The following ROS1 variants were observed in gnomAD, a reference collection of about 807,000 sequenced individuals.
The protein encoded by ROS1 is ROS proto-oncogene 1, receptor tyrosine kinase.
Under a neutral mutation model 273.5 loss-of-function variants are expected in ROS1, and 263 were observed. The ratio of observed to expected loss-of-function variants is 0.96; its 90% CI spans 0.87 to 1.06. ROS1 has a LOEUF of 1.06. Among genes scored for constraint, ROS1 ranks in the 50% least tolerant of loss-of-function variants. The probability of loss-of-function intolerance (pLI) is 0.00; values close to 1 mark genes in which losing one functional copy is unlikely to be tolerated. For missense variants in ROS1, 2,833 were observed against 2,751.1 expected, an observed-to-expected ratio of 1.03 and a Z score of -0.67; for synonymous variants, 1,008 against 954.1, an observed-to-expected ratio of 1.06 and a Z score of -1.04.
intron 26 of ROS1, 83 bp from the exon 27 acceptor site, chr6:117,353,249 A>G: frequency 5.0e-6 from 5 of 990,324 alleles, no homozygotes; most frequent in Non-Finnish European, 7.2e-6. Flanking sequence ...AATTTTTTCT[A>G]TATTATAATT....
chr6:117,400,298 G>A (rs13204089), intron 7 of ROS1, among the ~76,000 whole-genome samples: 7 of 151,990 alleles, frequency 4.6e-5, no homozygotes, highest in South Asian at 2.1e-4. Flanking sequence ...TTGTCAGTAC[G>A]TTTTCTATGT....
intron 10 of ROS1, 55 bp from the exon 11 acceptor site, chr6:117,394,401 A>T (rs978002628): frequency 8.1e-7 from 1 of 1,237,614 alleles, no homozygotes; most frequent in Non-Finnish European, 1.1e-6. Context: ...AGGACAAAAA[A>T]CTTGTATGAA....
intron 42 of ROS1, 60 bp downstream of exon 42, chr6:117,308,734 A>G (rs1775307748): frequency 2.6e-5 from 40 of 1,549,806 alleles, no homozygotes; most frequent in Non-Finnish European, 3.4e-5. Context: ...CAAGAGGCCT[A>G]AGATTGTATG....
intron 42 of ROS1, among the ~76,000 whole-genome samples, chr6:117,305,482 G>T (rs1259731125): frequency 6.6e-6 from 1 of 151,924 alleles, no homozygotes; most frequent in Non-Finnish European, 1.5e-5. Flanking sequence ...AATTATGGAG[G>T]CTTAAATTTA....
chr6:117,351,824 C>G (rs765632482), intron 27 of ROS1, among the ~76,000 whole-genome samples: 6 of 151,986 alleles, frequency 3.9e-5, no homozygotes, highest in Non-Finnish European at 8.8e-5. Flanking sequence ...AAACCAGAAG[C>G]CACATGAACT....
rs914692767 is a variant in ROS1, at chr6:117,396,177, C to G, written c.883+11G>C. The G allele has an allele frequency of 1.2e-6, 2 of 1,610,114 alleles. No homozygotes were observed. Among genetic ancestry groups the G allele is most frequent in the African/African-American group, 2.7e-5 (2 of 74,948 alleles). On this transcript the variant is annotated intron_variant, in intron 9 of 43. Transcript: ENST00000368507. Reference sequence around the variant, plus strand: ...TTCCTGTGTAGCTAAAGGAAGAAGCCTGACCCATACCTGCTGAAGATGAAG... The same window carrying G: ...TTCCTGTGTAGCTAAAGGAAGAAGCGTGACCCATACCTGCTGAAGATGAAG...
At chr6:117,305,392 C>CA (rs1245224646) in intron 42 of ROS1, among the ~76,000 whole-genome samples, 19 of 152,270 alleles carry the variant, frequency 1.2e-4, no homozygotes, top group Non-Finnish European at 1.5e-5. Context: ...ATCACTCACT[C>CA]ATTCTACCTC....
At chr6:117,413,721 C>G (rs189554298) in intron 4 of ROS1, among the ~76,000 whole-genome samples, 3 of 152,290 alleles carry the variant, frequency 2.0e-5, no homozygotes, top group South Asian at 4.1e-4. Flanking sequence ...GTGGCTCATG[C>G]CTGTAATCCC....
At chr6:117,409,786 C>G in intron 4 of ROS1, 144 bp from the exon 5 acceptor site, 1 of 668,562 alleles carries the variant, frequency 1.5e-6, no homozygotes, top group Non-Finnish European at 2.7e-6. Context: ...AATCGGAGTG[C>G]CTAATACGCA....
chr6:117,324,549 G>C (rs555243808), intron 34 of ROS1, 134 bp from the exon 35 acceptor site: 1 of 561,272 alleles, frequency 1.8e-6, no homozygotes, highest in Non-Finnish European at 3.2e-6. Context: ...TTAGACCGTT[G>C]GTAGCTTGAA....
In ROS1 at chr6:117,288,060, A is replaced by G. The variant is rs1773560893; in HGVS notation, c.*432T>C. 6.6e-6 allele frequency among the ~76,000 whole-genome samples: 1 copy of G among 152,148 alleles called. No individual in the cohort carries two copies. Among genetic ancestry groups the G allele is most frequent in the African/African-American group, 2.4e-5 (1 of 41,434 alleles). On this transcript the variant is annotated 3_prime_UTR_variant, in exon 44 of 44. Coordinates refer to ENST00000368507, the MANE Select transcript of ROS1 (RefSeq NM_001378902.1). ...CATTTCCTTGGTCCCATTTGAGATT[A>G]TCTGTAGTTCAGTTGACCCCCCTGA...
chr6:117,411,242 T>G (rs1340192713), intron 4 of ROS1, among the ~76,000 whole-genome samples: 1 of 149,590 alleles, frequency 6.7e-6, no homozygotes, highest in East Asian at 2.0e-4. Context: ...TCTCTCTCTC[T>G]TTCTCTCTCT....
In ROS1 at chr6:117,362,623, TGG is replaced by T; in HGVS notation, c.3344_3345del (p.Pro1115GlnfsTer9). 1 of 1,613,428 alleles carries T rather than the reference TGG, an allele frequency of 6.2e-7. No individual in the cohort carries two copies. The highest frequency in any genetic ancestry group is 8.5e-7 in the Non-Finnish European group (1 of 1,179,606). On this transcript the variant is annotated frameshift_variant, in exon 22 of 44. Transcript: ENST00000368507. LOFTEE classifies it high-confidence loss of function. ...CATACCTGGAAGGCAATAAAGCATC[TGG>T]GACTCATGCCTTCAAGTTGAAAAGA... ...VMSFQLEGMS[P>X]RCFIAFQVRA...
intron 42 of ROS1, among the ~76,000 whole-genome samples, chr6:117,307,783 T>G (rs1305122452): frequency 6.6e-6 from 1 of 152,148 alleles, no homozygotes. Context: ...CTTAATCATC[T>G]TTTGGCTCAA....
At chr6:117,352,656 T>C (rs1438178254) in intron 27 of ROS1, among the ~76,000 whole-genome samples, 1 of 152,092 alleles carries the variant, frequency 6.6e-6, no homozygotes, top group African/African-American at 2.4e-5. Flanking sequence ...TTGACACCAC[T>C]GGGAGGCCTA....
chr6:117,342,547 GTAAT>G lies in ROS1; in HGVS notation c.4507-7_4507-4del. ...AGAGCTATACTGTCCTGAAATTCCT[GTAAT>G]TGATTTTTTAAAAATCAACATCTTA... On this transcript the variant is annotated splice_polypyrimidine_tract_variant and splice_region_variant and intron_variant, in intron 28 of 43. Coordinates refer to ENST00000368507, the MANE Select transcript of ROS1 (RefSeq NM_001378902.1). 1 of 1,455,574 alleles carries G rather than the reference GTAAT, an allele frequency of 6.9e-7. No homozygotes were observed. The highest frequency in any genetic ancestry group is 9.2e-7 in the Non-Finnish European group (1 of 1,088,648). The allele number at this position is 1,455,574 out of a possible 1,614,324, so 90.2% of individuals were successfully genotyped here. A position where few individuals can be genotyped will look rare whatever the true frequency, so the allele number is the denominator to read the frequency against.
chr6:117,422,954 T>G (rs1302508513), intron 1 of ROS1, among the ~76,000 whole-genome samples: 1 of 152,124 alleles, frequency 6.6e-6, no homozygotes, highest in East Asian at 1.9e-4. Flanking sequence ...TTGAATGAAA[T>G]TTATTGAATG....
chr6:117,406,853 C>A (rs1397895550), intron 5 of ROS1, among the ~76,000 whole-genome samples: 9 of 152,048 alleles, frequency 5.9e-5, no homozygotes, highest in Non-Finnish European at 1.3e-4. Flanking sequence ...GCTAATGGGG[C>A]CTGTGTACCT....
chr6:117,399,530 T>C (rs1773778831), intron 7 of ROS1, among the ~76,000 whole-genome samples: 1 of 152,146 alleles, frequency 6.6e-6, no homozygotes, highest in Admixed American at 6.5e-5. Flanking sequence ...TCTGCTTAGG[T>C]CCAAGGCCTA....
Sources: gnomAD v4.1 joint callset for allele counts (sites outside exome capture counted in the v4.1 genomes callset) on GRCh38, gnomAD v4.1.1 for gene constraint, MANE v1.5 for transcripts, NCBI Gene and HGNC (gene_info 2026-07-23, HGNC 2026-07-21) for gene names.